BCORL1: variants seen among roughly 807,000 people sequenced by gnomAD.
BCORL1 encodes the protein BCL6 corepressor like 1, also known as BCL-6 corepressor-like protein 1.
In BCORL1, 7 loss-of-function variants were observed where a neutral mutation model predicts 87.6. The ratio of observed to expected loss-of-function variants is 0.08; its 90% CI spans 0.05 to 0.15. The LOEUF (loss-of-function observed/expected upper bound fraction) is 0.15, where lower values mean the gene tolerates loss of function less well. Ranked by LOEUF, BCORL1 falls within the 10% of genes least tolerant of loss-of-function variation. The pLI is 1.00. For missense variants in BCORL1, 1,215 were observed against 1,499.7 expected (o/e 0.81, Z 3.13); for synonymous variants, 591 against 634.4 (o/e 0.93, Z 1.03).
chrX:130,006,207 A>G (rs1339901612), intron 2 of BCORL1, among the ~76,000 whole-genome samples: 2 of 111,004 alleles, frequency 1.8e-5, no homozygotes, highest in Non-Finnish European at 3.8e-5. Flanking sequence ...ATTTTCAGTT[A>G]TCTGTTCCCC....
chrX:130,053,804 C>T (rs1229378422), intron 13 of BCORL1, among the ~76,000 whole-genome samples: 3 of 112,240 alleles, frequency 2.7e-5, no homozygotes, highest in Non-Finnish European at 5.6e-5. Context: ...TTCTGAATCA[C>T]CAAAGCAAGA....
upstream of BCORL1, among the ~76,000 whole-genome samples, chrX:129,980,573 C>T (rs1040657686): frequency 1.8e-5 from 2 of 112,275 alleles, no homozygotes; most frequent in Non-Finnish European, 3.8e-5. Flanking sequence ...CACCTGGACC[C>T]GGACCCGGAC....
Position 130,039,167 on chromosome X carries a change from C to T in BCORL1, c.4725C>T (p.Asn1575=), listed in dbSNP as rs1931154612. Residue 1575 remains asparagine (N), a synonymous_variant, in exon 11 of 14, where the codon AAC becomes AAT. Transcript: ENST00000540052. ...TTCATGATGCGGTGGTCAATGACAA[C>T]CTGGAGACCATCTGGCTCCTGCTGT... ...RPVHDAVVND[N]LETIWLLLSY... is the part of the protein sequence containing the mutation. 8.3e-7 allele frequency: 1 copy of T among 1,209,591 alleles called. No homozygotes were observed. The highest frequency in any genetic ancestry group is 1.8e-5 in the South Asian group (1 of 56,771).
intron 2 of BCORL1, among the ~76,000 whole-genome samples, chrX:130,007,342 T>C (rs930438767): frequency 8.9e-6 from 1 of 112,593 alleles, no homozygotes; most frequent in African/African-American, 3.2e-5. Flanking sequence ...AAAAGTGTTT[T>C]CCTTTACATA....
rs111714068 is a variant in BCORL1 at position 130,011,324 on chromosome X, G to A, written c.87-1254G>A. Among the ~76,000 whole-genome samples, 387 of 109,183 alleles carry A rather than the reference G, an allele frequency of 3.5e-3. 2 individuals are homozygous for A. The highest frequency in any genetic ancestry group is 0.012 in the African/African-American group (364 of 29,921). The allele number at this position is 109,183 out of a possible 115,157, so 94.8% of individuals were successfully genotyped here. On this transcript the variant is annotated intron_variant, in intron 2 of 13. Transcript: ENST00000540052. ...GGGATCTCGGCTCACTGCAACCTCC[G>A]CCTCCCAGACTCAAGCGATTCTCCT... is the stretch of plus-strand genomic sequence containing the variant.
In BCORL1 at chrX:130,042,625, C is replaced by A. The variant is rs1162773556; in HGVS notation, c.4840+3343C>A. 2.7e-5 allele frequency among the ~76,000 whole-genome samples: 3 copies of A among 111,997 alleles called. No homozygotes were observed. The East Asian group carries it at 8.4e-4, about 31-fold the overall frequency. Reference sequence around the variant, plus strand: ...GTAGGGTGTGTGAGAGGACAGCACTCAGGGACTTTTTTAAAAATTGAGGTA... The same window carrying A: ...GTAGGGTGTGTGAGAGGACAGCACTAAGGGACTTTTTTAAAAATTGAGGTA... On this transcript the variant is annotated intron_variant, in intron 11 of 13. Coordinates refer to ENST00000540052, the MANE Select transcript of BCORL1 (RefSeq NM_001379451.1).
intron 11 of BCORL1, among the ~76,000 whole-genome samples, chrX:130,049,412 A>G (rs1372922614): frequency 2.7e-5 from 3 of 112,169 alleles, no homozygotes; most frequent in Non-Finnish European, 5.6e-5. Flanking sequence ...GCTGGAGTAC[A>G]ATGGCATTAT....
rs774594848 is a variant in BCORL1 at position 130,012,935 on chromosome X, A to G, written c.178-15A>G. On this transcript the variant is annotated splice_polypyrimidine_tract_variant and intron_variant, in intron 3 of 13. Coordinates refer to ENST00000540052, the MANE Select transcript of BCORL1 (RefSeq NM_001379451.1). ...GGGAGCTGGCTGAGATGTGCATGCTATCCTGTCGTTGCAGGTGGAGCTCAC... is the reference window on the plus strand; with the variant it reads ...GGGAGCTGGCTGAGATGTGCATGCTGTCCTGTCGTTGCAGGTGGAGCTCAC... 3 of 1,184,450 alleles carry G rather than the reference A, an allele frequency of 2.5e-6. No individual in the cohort carries two copies. Among genetic ancestry groups the G allele is most frequent in the East Asian group, 6.0e-5 (2 of 33,531 alleles).
intron 7 of BCORL1, among the ~76,000 whole-genome samples, chrX:130,026,564 A>G (rs1407409130): frequency 1.8e-5 from 2 of 112,557 alleles, no homozygotes; most frequent in Non-Finnish European, 3.8e-5. Flanking sequence ...AATCTTCTCT[A>G]ATGGCACCTG....
At chrX:130,025,952 T>C (rs1437293872) in intron 7 of BCORL1, among the ~76,000 whole-genome samples, 1 of 111,435 alleles carries the variant, frequency 9.0e-6, no homozygotes, top group Non-Finnish European at 1.9e-5. Context: ...AGCATCATTT[T>C]TGTTGGACCT....
upstream of BCORL1, among the ~76,000 whole-genome samples, chrX:129,982,452 T>G (rs1332114900): frequency 9.4e-6 from 1 of 106,667 alleles, no homozygotes; most frequent in African/African-American, 3.5e-5. Context: ...TCCCTTCGCC[T>G]CCTCCTCCCC....
chrX:130,021,402 A>T, intron 5 of BCORL1: 1 of 420,334 alleles, frequency 2.4e-6, no homozygotes, highest in Non-Finnish European at 3.0e-6. Context: ...CACCAGGCCC[A>T]CAACACAGTA....
rs752429247 is a variant in BCORL1 at position 130,029,649 on chromosome X, TTCTC to T, written c.4305+804_4305+807del. Reference sequence around the variant, plus strand: ...GTGGTCGTGATTCTTATTTTTTTTTTTCTCTCTCTCTCTCTCTCTTTTTGAGAGT... The same window carrying T: ...GTGGTCGTGATTCTTATTTTTTTTTTTCTCTCTCTCTCTCTTTTTGAGAGT... On this transcript the variant is annotated intron_variant, in intron 8 of 13. Transcript: ENST00000540052. Among the ~76,000 whole-genome samples, 22 of 105,722 alleles carry T rather than the reference TTCTC, an allele frequency of 2.1e-4. No homozygotes were observed. In the East Asian group the frequency reaches 5.4e-3, roughly 26 times the overall value. The allele number at this position is 105,722 out of a possible 115,157, so 91.8% of individuals were successfully genotyped here.
At chrX:129,997,571 A>G (rs779912321) in intron 1 of BCORL1, among the ~76,000 whole-genome samples, 6 of 109,588 alleles carry the variant, frequency 5.5e-5, no homozygotes, top group African/African-American at 2.0e-4. Context: ...AGGTGGGCGG[A>G]TCGGAAGGTC....
In BCORL1 at chrX:130,039,273, T is replaced by A; in HGVS notation, c.4831T>A (p.Phe1611Ile). ...GGCCAGCAGCGACACCATGAAGCGCTTTCTCAGTGGTAAGCATGGTCCAGA... is the reference window on the plus strand; with the variant it reads ...GGCCAGCAGCGACACCATGAAGCGCATTCTCAGTGGTAAGCATGGTCCAGA... ...KLASSDTMKR[F>I]LSDHLSDLQG... Residue 1611 changes from phenylalanine to isoleucine, a missense_variant, in exon 11 of 14, where the codon TTT (phenylalanine) becomes ATT (isoleucine). Physicochemically the swap from Phe to Ile is conservative, Grantham distance 21 (BLOSUM62 0). Coordinates refer to ENST00000540052, the MANE Select transcript of BCORL1 (RefSeq NM_001379451.1). The A allele has an allele frequency of 8.3e-7, 1 of 1,209,620 alleles. No individual in the cohort carries two copies. The highest frequency in any genetic ancestry group is 1.1e-6 in the Non-Finnish European group (1 of 895,429).
chrX:129,995,869 C>T (rs1465672106), intron 1 of BCORL1, among the ~76,000 whole-genome samples: 2 of 111,957 alleles, frequency 1.8e-5, no homozygotes, highest in Admixed American at 1.9e-4. Flanking sequence ...GCAGAGTAAT[C>T]AGGAGGGCAA....
intron 11 of BCORL1, among the ~76,000 whole-genome samples, chrX:130,040,625 G>A (rs1931249714): frequency 8.9e-6 from 1 of 112,430 alleles, no homozygotes; most frequent in Non-Finnish European, 1.9e-5. Flanking sequence ...CTGTCCTTGA[G>A]GCGCAGAGCA....
At chrX:129,994,487 C>T (rs1217967984) in intron 1 of BCORL1, among the ~76,000 whole-genome samples, 3 of 111,516 alleles carry the variant, frequency 2.7e-5, no homozygotes, top group East Asian at 2.8e-4. Flanking sequence ...AAGCCCTGGC[C>T]GCTCGGCTGA....
intron 1 of BCORL1, among the ~76,000 whole-genome samples, chrX:129,993,698 T>G (rs971018428): frequency 8.9e-6 from 1 of 112,388 alleles, no homozygotes; most frequent in African/African-American, 3.2e-5. Flanking sequence ...AAGAAAGAAA[T>G]AAAATGTAAG....
Sources: allele counts gnomAD v4.1 joint callset (sites outside exome capture counted in the v4.1 genomes callset), GRCh38; gene constraint gnomAD v4.1.1; transcripts MANE v1.5; gene names NCBI Gene and HGNC (gene_info 2026-07-23, HGNC 2026-07-21).